LPP: variants seen among roughly 807,000 people sequenced by gnomAD.
LPP encodes LIM domain containing preferred translocation partner in lipoma.
LPP carries 38 observed loss-of-function variants against 60.4 expected under a neutral mutation model. That is an observed-to-expected ratio of 0.63 (90% CI 0.49 to 0.83). The LOEUF is 0.83. LPP is among the 40% of genes least tolerant of loss of function. LPP has a pLI of 0.00. For synonymous variants in LPP, 328 were observed against 290.8 expected (o/e 1.13, Z -1.30); for missense variants, 902 against 783.6 (o/e 1.15, Z -1.80).
intron 9 of LPP, among the ~76,000 whole-genome samples, chr3:188,825,247 T>TTCTCTCTC (rs61381257): frequency 8.7e-4 from 103 of 118,502 alleles, no homozygotes; most frequent in African/African-American, 1.1e-3. Flanking sequence ...CAGCCTTTCT[T>TTCTCTCTC]TCTCTCTCTC....
intron 3 of LPP, among the ~76,000 whole-genome samples, chr3:188,384,570 T>C (rs567407739): frequency 1.3e-5 from 2 of 151,996 alleles, no homozygotes; most frequent in Admixed American, 1.3e-4. Context: ...GGCGGGCAGA[T>C]CATGAGGTCA....
chr3:188,806,295 C>A (rs1327323601), intron 9 of LPP, among the ~76,000 whole-genome samples: 1 of 151,792 alleles, frequency 6.6e-6, no homozygotes, highest in Non-Finnish European at 1.5e-5. Flanking sequence ...ATCATCTTAA[C>A]CCCATATTCA....
chr3:188,281,581 G>A (rs1742048385), intron 2 of LPP, among the ~76,000 whole-genome samples: 1 of 114,770 alleles, frequency 8.7e-6, no homozygotes, highest in African/African-American at 3.5e-5. Context: ...TCCAGTCTGG[G>A]CAACAGAGGA....
chr3:188,389,695 G>A (rs1779206918), intron 3 of LPP, among the ~76,000 whole-genome samples: 1 of 134,888 alleles, frequency 7.4e-6, no homozygotes, highest in African/African-American at 2.8e-5. Flanking sequence ...AGAATCACTT[G>A]AACCCGGGAG....
chr3:188,240,998 G>T (rs1724435774), intron 2 of LPP, among the ~76,000 whole-genome samples: 1 of 152,078 alleles, frequency 6.6e-6, no homozygotes, highest in Admixed American at 6.5e-5. Flanking sequence ...GATGTTACGG[G>T]GTATGTATGC....
At chr3:188,183,872 G>T (rs55820429) in intron 1 of LPP, among the ~76,000 whole-genome samples, 18,065 of 152,056 alleles carry the variant, frequency 0.12, 1,874 homozygotes, top group East Asian at 0.46. Flanking sequence ...TTCCTAGCTG[G>T]ATATGTGCTT....
At chr3:188,438,921 T>C (rs1793053974) in intron 4 of LPP, among the ~76,000 whole-genome samples, 1 of 152,192 alleles carries the variant, frequency 6.6e-6, no homozygotes, top group Non-Finnish European at 1.5e-5. Context: ...AAATGAATCA[T>C]TGAATGCATA....
chr3:188,584,324 G>A (rs1418653662), intron 6 of LPP: 1 of 152,130 alleles, frequency 6.6e-6, no homozygotes, highest in African/African-American at 2.4e-5. Context: ...AGGCGGGTGA[G>A]CTGCAGGAAA....
At chr3:188,519,883 T>G (rs972365418) in intron 5 of LPP, among the ~76,000 whole-genome samples, 1 of 152,220 alleles carries the variant, frequency 6.6e-6, no homozygotes, top group Admixed American at 6.5e-5. Context: ...ATGAATGCTC[T>G]TTCATAACCA....
At chr3:188,633,811 T>C (rs1168542166) in intron 7 of LPP, among the ~76,000 whole-genome samples, 3 of 152,240 alleles carry the variant, frequency 2.0e-5, no homozygotes, top group African/African-American at 4.8e-5. Flanking sequence ...CTTTGACTGA[T>C]GCCTCTTCAA....
chr3:188,254,673 T>G (rs1731040475), intron 2 of LPP, among the ~76,000 whole-genome samples: 1 of 152,158 alleles, frequency 6.6e-6, no homozygotes, highest in Admixed American at 6.5e-5. Flanking sequence ...GCAGGCATCT[T>G]CCTCCTTGGG....
chr3:188,584,566 T>TGG (rs1836998952), intron 6 of LPP: 1 of 151,676 alleles, frequency 6.6e-6, no homozygotes, highest in Non-Finnish European at 1.5e-5. Flanking sequence ...TGTGTGTGTG[T>TGG]GTGTGTGTGT....
intron 9 of LPP, among the ~76,000 whole-genome samples, chr3:188,831,169 G>A (rs962569722): frequency 1.3e-5 from 2 of 152,110 alleles, no homozygotes; most frequent in Admixed American, 6.5e-5. Context: ...ATGTATTCTG[G>A]TCCAAATCAC....
chr3:188,472,170 A>T (rs921209380), intron 4 of LPP, among the ~76,000 whole-genome samples: 2 of 152,222 alleles, frequency 1.3e-5, no homozygotes, highest in Non-Finnish European at 2.9e-5. Context: ...AAATAAAATT[A>T]GATGAATTGG....
chr3:188,366,808 T>C (rs1010865833), intron 3 of LPP, among the ~76,000 whole-genome samples: 1 of 152,210 alleles, frequency 6.6e-6, no homozygotes, highest in African/African-American at 2.4e-5. Flanking sequence ...TGCTGCAGGC[T>C]TTCAGTTAGA....
chr3:188,365,141 T>A (rs902775164), intron 3 of LPP, among the ~76,000 whole-genome samples: 7 of 150,098 alleles, frequency 4.7e-5, no homozygotes, highest in African/African-American at 1.7e-4. Flanking sequence ...TCTGGTGACC[T>A]CTTAATCTTA....
intron 2 of LPP, among the ~76,000 whole-genome samples, chr3:188,232,395 A>G (rs1720344610): frequency 6.6e-6 from 1 of 151,150 alleles, no homozygotes; most frequent in African/African-American, 2.4e-5. Flanking sequence ...CCCAGGATGG[A>G]GTGCAATGGT....
chr3:188,552,207 T>C (rs1427757349), intron 6 of LPP, among the ~76,000 whole-genome samples: 1 of 152,194 alleles, frequency 6.6e-6, no homozygotes, highest in Admixed American at 6.5e-5. Context: ...GATCACATAG[T>C]AGAACTGAAG....
At chr3:188,726,177 G>A (rs552069561) in intron 8 of LPP, among the ~76,000 whole-genome samples, 100 of 152,210 alleles carry the variant, frequency 6.6e-4, no homozygotes, top group Non-Finnish European at 1.3e-3. Flanking sequence ...GACAAGATTT[G>A]GGGGATGAAG....
Sources: gnomAD v4.1 joint callset for allele counts (sites outside exome capture counted in the v4.1 genomes callset) on GRCh38, gnomAD v4.1.1 for gene constraint, MANE v1.5 for transcripts, NCBI Gene and HGNC (gene_info 2026-07-23, HGNC 2026-07-21) for gene names.